The following FRY variants were observed in gnomAD, a reference collection of about 807,000 sequenced individuals.
FRY encodes protein furry homolog.
FRY carries 128 observed loss-of-function variants against 348.4 expected under a neutral mutation model. The observed-to-expected ratio is 0.37, with a 90% CI of 0.32 to 0.43. The LOEUF (loss-of-function observed/expected upper bound fraction) is 0.43, where lower values mean the gene tolerates loss of function less well. Among genes scored for constraint, FRY ranks in the 20% least tolerant of loss-of-function variants. The pLI is 1.00. For missense variants in FRY, 2,736 were observed against 3,695.2 expected, an observed-to-expected ratio of 0.74 and a Z score of 6.73; for synonymous variants, 1,370 against 1,374.7, an observed-to-expected ratio of 1.00 and a Z score of 0.08.
chr13:32,141,158 C>T (rs2138800357), intron 11 of FRY, among the ~76,000 whole-genome samples: 1 of 152,194 alleles, frequency 6.6e-6, no homozygotes, highest in East Asian at 1.9e-4. Context: ...AATAAGATGA[C>T]AAGCACGTTA....
Position 32,295,876 on chromosome 13 carries a change from T to C in FRY, c.*416T>C, listed in dbSNP as rs2072053466. The C allele has an allele frequency of 5.8e-6, 1 of 173,078 alleles. No individual in the cohort carries two copies. Among genetic ancestry groups the C allele is most frequent in the South Asian group, 1.6e-4 (1 of 6,158 alleles). The allele number at this position is 173,078 out of a possible 1,614,324, so 10.7% of individuals were successfully genotyped here. On this transcript the variant is annotated 3_prime_UTR_variant, in exon 61 of 61. Coordinates refer to ENST00000542859, the MANE Select transcript of FRY (RefSeq NM_023037.3). ...CTCAAACATGTATATTCTTTCCCTG[T>C]CTTGTTCCATTTTCTTTTCTTTTTT...
chr13:32,125,809 C>G (rs1211630742), intron 7 of FRY, among the ~76,000 whole-genome samples: 1 of 152,086 alleles, frequency 6.6e-6, no homozygotes, highest in East Asian at 1.9e-4. Context: ...TCTACTCATC[C>G]TGACTATATT....
chr13:32,274,579 C>A (rs1021004699), intron 55 of FRY, among the ~76,000 whole-genome samples: 2 of 151,494 alleles, frequency 1.3e-5, no homozygotes, highest in Admixed American at 6.6e-5. Flanking sequence ...TGGCAGGCAC[C>A]TGTAGTCCCA....
intron 31 of FRY, among the ~76,000 whole-genome samples, chr13:32,206,230 C>T (rs1884341340): frequency 6.6e-6 from 1 of 152,044 alleles, no homozygotes; most frequent in Non-Finnish European, 1.5e-5. Flanking sequence ...CTGGACACCC[C>T]CACTTTTGCA....
intron 58 of FRY, among the ~76,000 whole-genome samples, chr13:32,282,042 C>T (rs2138622425): frequency 6.6e-6 from 1 of 152,258 alleles, no homozygotes; most frequent in Non-Finnish European, 1.5e-5. Flanking sequence ...AAAACTGAGT[C>T]CTTACACACA....
chr13:32,078,273 A>G (rs972221841), intron 1 of FRY, among the ~76,000 whole-genome samples: 2 of 152,208 alleles, frequency 1.3e-5, no homozygotes, highest in African/African-American at 4.8e-5. Context: ...TTGGACGGCA[A>G]ACAGAGCACT....
intron 49 of FRY, 28 bp downstream of exon 49, chr13:32,249,715 G>A (rs1253709960): frequency 1.9e-6 from 3 of 1,606,926 alleles, no homozygotes; most frequent in South Asian, 1.1e-5. Flanking sequence ...CACAGTCCTG[G>A]GAGGGAGTTT....
At chr13:32,224,110 A>T (rs1420518228) in intron 36 of FRY, 125 bp from the exon 37 acceptor site, 15 of 983,126 alleles carry the variant, frequency 1.5e-5, no homozygotes, top group East Asian at 5.2e-5. Context: ...AAAAAAATTT[A>T]AAAATGAAAA....
chr13:32,127,501 A>G (rs543554), intron 7 of FRY, among the ~76,000 whole-genome samples: 145,896 of 152,284 alleles, frequency 0.96, 69,918 homozygotes, highest in East Asian at 1. Context: ...TAAAAGTCTG[A>G]GTGCGGTGGC....
intron 40 of FRY, 81 bp downstream of exon 40, chr13:32,228,735 A>G: frequency 8.6e-7 from 1 of 1,169,528 alleles, no homozygotes; most frequent in African/African-American, 1.5e-5. Flanking sequence ...ACACAGATGG[A>G]AAAGTGATCC....
intron 55 of FRY, among the ~76,000 whole-genome samples, chr13:32,270,335 G>T (rs1888143476): frequency 6.6e-6 from 1 of 151,864 alleles, no homozygotes; most frequent in African/African-American, 2.4e-5. Flanking sequence ...AGCCTCCCGA[G>T]TAGCTGGGAT....
chr13:32,047,448 T>C (rs142149219), intron 1 of FRY, among the ~76,000 whole-genome samples: 130 of 152,376 alleles, frequency 8.5e-4, no homozygotes, highest in African/African-American at 2.8e-3. Context: ...ATATCCAAGA[T>C]AGAATGTGTT....
At position 32,247,355 on chromosome 13, in the gene FRY, G is replaced by A; in HGVS notation, c.6861G>A (p.Leu2287=). The part of the protein sequence containing the change: ...SVHWREALNI[L]KLVVSRSASL... ...ACTGGAGAGAAGCTCTGAATATCTT[G>A]AAGCTGGTAGTTTCTCGGTCAGCCA... is the stretch of plus-strand genomic sequence containing the variant. The change falls in exon 48 of 61, where the codon TTG becomes TTA. Residue 2287 remains leucine, a synonymous_variant. Transcript: ENST00000542859. The A allele has an allele frequency of 1.9e-6, 3 of 1,613,642 alleles. No homozygotes were observed. The highest frequency in any genetic ancestry group is 2.5e-6 in the Non-Finnish European group (3 of 1,179,632).
intron 39 of FRY, among the ~76,000 whole-genome samples, chr13:32,227,751 GT>G (rs200389438): frequency 0.017 from 2,372 of 135,810 alleles, 36 homozygotes; most frequent in East Asian, 0.12. Flanking sequence ...ATTTCACATG[GT>G]TTTTTTTTTT....
intron 2 of FRY, among the ~76,000 whole-genome samples, chr13:32,081,409 C>T (rs12429255): frequency 0.015 from 2,236 of 152,310 alleles, 35 homozygotes; most frequent in Admixed American, 0.043. Flanking sequence ...ACCACAACCT[C>T]GGCTTCCCGG....
rs147706668 is a variant in FRY at position 32,242,687 on chromosome 13, A to C, written c.6688-1355A>C. Among the ~76,000 whole-genome samples the C allele has an allele frequency of 1.0e-3, 158 of 152,110 alleles. 1 individual carries two copies. Among genetic ancestry groups the C allele is most frequent in the Non-Finnish European group, 1.6e-3 (111 of 67,992 alleles). On this transcript the variant is annotated intron_variant, in intron 46 of 60. Transcript: ENST00000542859. Reference sequence around the variant, plus strand: ...GTAGCTGGGATTACAGGCACCCACCACTACGCCCAGCTAATTTTTGTATTT... The same window carrying C: ...GTAGCTGGGATTACAGGCACCCACCCCTACGCCCAGCTAATTTTTGTATTT...
At chr13:32,081,314 CA>C (rs1162719848) in intron 2 of FRY, among the ~76,000 whole-genome samples, 3 of 152,094 alleles carry the variant, frequency 2.0e-5, no homozygotes, top group Non-Finnish European at 2.9e-5. Context: ...TGAATCTAAT[CA>C]GTTTTTAGTA....
At position 32,298,504 on chromosome 13, in the gene FRY, A is replaced by C. The variant is rs1221782058; in HGVS notation, c.*3044A>C. The C allele has an allele frequency of 6.6e-6, 1 of 152,252 alleles. No individual in the cohort carries two copies. The highest frequency in any genetic ancestry group is 1.9e-4 in the East Asian group (1 of 5,204). 9.4% of individuals were successfully genotyped at this position (152,252 alleles called of 1,614,324 possible). Reference sequence around the variant, plus strand: ...TGGGCTAGGCACTGTTTTAGAGGACACCGCAGCTATCAAGGCAGATGTGGT... The same window carrying C: ...TGGGCTAGGCACTGTTTTAGAGGACCCCGCAGCTATCAAGGCAGATGTGGT... On this transcript the variant is annotated 3_prime_UTR_variant, in exon 61 of 61. Coordinates refer to ENST00000542859, the MANE Select transcript of FRY (RefSeq NM_023037.3).
chr13:32,095,346 T>TTC (rs1343460459), intron 2 of FRY, among the ~76,000 whole-genome samples: 1 of 119,202 alleles, frequency 8.4e-6, no homozygotes, highest in Non-Finnish European at 1.8e-5. Flanking sequence ...GCTTTTTTTT[T>TTC]TTTTTTTTTT....
Sources: allele counts gnomAD v4.1 joint callset (sites outside exome capture counted in the v4.1 genomes callset), GRCh38; gene constraint gnomAD v4.1.1; transcripts MANE v1.5; gene names NCBI Gene and HGNC (gene_info 2026-07-23, HGNC 2026-07-21).